Variants in PTPRD observed in about 807,000 individuals in gnomAD.
PTPRD encodes the protein receptor-type tyrosine-protein phosphatase delta.
PTPRD carries 34 observed loss-of-function variants against 214.5 expected under a neutral mutation model. The observed-to-expected ratio is 0.16, with a 90% CI of 0.12 to 0.21. The LOEUF (loss-of-function observed/expected upper bound fraction) is 0.21, where lower values mean the gene tolerates loss of function less well. PTPRD is among the 10% of genes least tolerant of loss of function. The pLI, the probability that PTPRD is intolerant of heterozygous loss-of-function variation, is 1.00. For missense variants in PTPRD, 2,545 were observed against 2,398.7 expected (o/e 1.06, Z -1.27); for synonymous variants, 1,128 against 845.7 (o/e 1.33, Z -5.79).
intron 11 of PTPRD, among the ~76,000 whole-genome samples, chr9:8,814,249 G>A (rs1403398609): frequency 6.6e-6 from 1 of 152,122 alleles, no homozygotes; most frequent in South Asian, 2.1e-4. Context: ...AAAGTAAAGA[G>A]CAGGGCATCT....
chr9:8,829,092 C>T (rs1820347255), intron 11 of PTPRD, among the ~76,000 whole-genome samples: 1 of 152,122 alleles, frequency 6.6e-6, no homozygotes, highest in Admixed American at 6.6e-5. Flanking sequence ...CCTTAATTGT[C>T]CATGTAAATT....
chr9:9,091,135 C>T, intron 10 of PTPRD: 3 of 1,499,446 alleles, frequency 2.0e-6, no homozygotes, highest in South Asian at 2.2e-5. Context: ...TTGTGCAATT[C>T]ACAGCAAAGT....
At chr9:9,617,598 A>G (rs1409229930) in intron 7 of PTPRD, among the ~76,000 whole-genome samples, 2 of 152,146 alleles carry the variant, frequency 1.3e-5, no homozygotes, top group Admixed American at 6.5e-5. Context: ...AGCTTCTGCA[A>G]AGGTAAATGT....
intron 2 of PTPRD, among the ~76,000 whole-genome samples, chr9:10,432,088 T>C (rs2098685604): frequency 1.3e-5 from 2 of 151,856 alleles, no homozygotes; most frequent in South Asian, 2.1e-4. Flanking sequence ...ATATACAACA[T>C]GGAATACTAT....
chr9:10,365,657 A>G (rs1255214836), intron 2 of PTPRD, among the ~76,000 whole-genome samples: 1 of 152,180 alleles, frequency 6.6e-6, no homozygotes, highest in Non-Finnish European at 1.5e-5. Flanking sequence ...ACATAAGAGG[A>G]GCTCAGTCAA....
chr9:8,427,047 G>A (rs2094724760), intron 35 of PTPRD, among the ~76,000 whole-genome samples: 2 of 152,128 alleles, frequency 1.3e-5, no homozygotes, highest in African/African-American at 4.8e-5. Context: ...CCCACTGGGA[G>A]GGGACTCTGT....
intron 10 of PTPRD, among the ~76,000 whole-genome samples, chr9:9,031,268 G>A (rs1465579925): frequency 7.4e-6 from 1 of 135,700 alleles, no homozygotes; most frequent in Non-Finnish European, 1.7e-5. Flanking sequence ...AATCACATTT[G>A]TTTAATGAAT....
chr9:9,634,023 G>C (rs2095675517), intron 7 of PTPRD, among the ~76,000 whole-genome samples: 1 of 152,042 alleles, frequency 6.6e-6, no homozygotes, highest in Non-Finnish European at 1.5e-5. Context: ...TTATGATATA[G>C]ACAGCACATA....
At chr9:10,124,694 T>C (rs569232441) in intron 3 of PTPRD, among the ~76,000 whole-genome samples, 1 of 151,628 alleles carries the variant, frequency 6.6e-6, no homozygotes, top group East Asian at 1.9e-4. Context: ...AGGATTATTA[T>C]TGTTTAATTA....
Position 9,469,525 on chromosome 9 carries a change from T to G in PTPRD, c.-236-72043A>C, listed in dbSNP as rs550718815. ...ACTTAGAGTTGGTTTATAGTAACAA[T>G]ACTTCCTATTTCAAATAATAATGTG... On this transcript the variant is annotated intron_variant, in intron 8 of 45. Transcript: ENST00000381196. Among the ~76,000 whole-genome samples the G allele has an allele frequency of 1.2e-4, 19 of 152,248 alleles. No individual in the cohort carries two copies. In the South Asian group the frequency reaches 3.9e-3, roughly 32 times the overall value.
At chr9:10,285,192 ATACC>A (rs1233533639) in intron 3 of PTPRD, among the ~76,000 whole-genome samples, 1 of 152,162 alleles carries the variant, frequency 6.6e-6, no homozygotes, top group Non-Finnish European at 1.5e-5. Flanking sequence ...GTCCTCCAAT[ATACC>A]TGCTTTTATC....
intron 3 of PTPRD, among the ~76,000 whole-genome samples, chr9:10,172,337 G>T (rs2099214151): frequency 1.3e-5 from 2 of 152,058 alleles, no homozygotes; most frequent in African/African-American, 4.8e-5. Context: ...CATATGCAGA[G>T]ATCCTGTAAG....
intron 11 of PTPRD, among the ~76,000 whole-genome samples, chr9:8,948,728 C>T (rs755909809): frequency 3.4e-5 from 5 of 147,480 alleles, no homozygotes; most frequent in Non-Finnish European, 5.9e-5. Context: ...TTTTTTTATC[C>T]GTCACAATTC....
At chr9:10,322,480 T>C (rs2096570011) in intron 3 of PTPRD, among the ~76,000 whole-genome samples, 1 of 152,012 alleles carries the variant, frequency 6.6e-6, no homozygotes, top group African/African-American at 2.4e-5. Flanking sequence ...TATACAGTGA[T>C]TTTAGGATAC....
intron 2 of PTPRD, 137 bp downstream of exon 2, chr9:10,612,261 G>A (rs2081243452): frequency 6.7e-6 from 1 of 150,324 alleles, no homozygotes; most frequent in South Asian, 2.1e-4. Context: ...TCAAATAGGA[G>A]CTACTGAAGT....
chr9:8,961,670 C>T (rs956321381), intron 11 of PTPRD, among the ~76,000 whole-genome samples: 1 of 152,084 alleles, frequency 6.6e-6, no homozygotes, highest in African/African-American at 2.4e-5. Flanking sequence ...GTTTTAGTTT[C>T]CACTGCCTGC....
At chr9:8,709,483 C>G (rs1471042910) in intron 12 of PTPRD, among the ~76,000 whole-genome samples, 1 of 146,462 alleles carries the variant, frequency 6.8e-6, no homozygotes, top group Non-Finnish European at 1.5e-5. Flanking sequence ...TCACTGCACT[C>G]CAGCCTGGGA....
intron 12 of PTPRD, among the ~76,000 whole-genome samples, chr9:8,729,378 G>A (rs1157098571): frequency 6.6e-6 from 1 of 151,912 alleles, no homozygotes; most frequent in Non-Finnish European, 1.5e-5. Context: ...AAGCAAGCTG[G>A]AGACTTTAAC....
At chr9:8,722,012 G>T (rs73640948) in intron 12 of PTPRD, among the ~76,000 whole-genome samples, 1,787 of 152,316 alleles carry the variant, frequency 0.012, 34 homozygotes, top group African/African-American at 0.041. Flanking sequence ...CCACTGGGTT[G>T]TCACAACTGG....
Sources: allele counts gnomAD v4.1 joint callset (sites outside exome capture counted in the v4.1 genomes callset), GRCh38; gene constraint gnomAD v4.1.1; transcripts MANE v1.5; gene names NCBI Gene and HGNC (gene_info 2026-07-23, HGNC 2026-07-21).